The following SEMA5B variants were observed in gnomAD, a reference collection of about 807,000 sequenced individuals.
SEMA5B encodes semaphorin-5B.
A neutral mutation model predicts 135.0 loss-of-function variants in SEMA5B; 66 were observed. The observed-to-expected ratio is 0.49, with a 90% CI of 0.40 to 0.60. SEMA5B has a LOEUF of 0.60. SEMA5B is among the 20% of genes least tolerant of loss of function. The pLI is 0.00. For missense variants in SEMA5B, 1,501 were observed against 1,566.3 expected, an observed-to-expected ratio of 0.96 and a Z score of 0.70; for synonymous variants, 690 against 639.5, an observed-to-expected ratio of 1.08 and a Z score of -1.19.
At chr3:123,015,483 C>A (rs1412754007) in intron 1 of SEMA5B, among the ~76,000 whole-genome samples, 2 of 152,122 alleles carry the variant, frequency 1.3e-5, no homozygotes, top group African/African-American at 4.8e-5. Context: ...GAGACCTCAA[C>A]TGTAGAGAAG....
intron 1 of SEMA5B, among the ~76,000 whole-genome samples, chr3:123,025,134 T>C (rs1456138157): frequency 6.6e-6 from 1 of 152,220 alleles, no homozygotes; most frequent in African/African-American, 2.4e-5. Flanking sequence ...GGGCTGGACC[T>C]CTCGGCTTCT....
At chr3:123,011,138 A>T (rs910591562) in intron 1 of SEMA5B, among the ~76,000 whole-genome samples, 3 of 152,168 alleles carry the variant, frequency 2.0e-5, no homozygotes, top group African/African-American at 7.2e-5. Flanking sequence ...CAAAGCTGCC[A>T]TCTCACGACC....
intron 1 of SEMA5B, among the ~76,000 whole-genome samples, chr3:122,983,161 A>G (rs1056921834): frequency 6.6e-6 from 1 of 152,084 alleles, no homozygotes; most frequent in Non-Finnish European, 1.5e-5. Context: ...GTGGCCAGTC[A>G]ATTTTGAGGG....
At chr3:122,916,622 C>T (rs1045761431) in intron 12 of SEMA5B, among the ~76,000 whole-genome samples, 7 of 152,204 alleles carry the variant, frequency 4.6e-5, no homozygotes, top group African/African-American at 9.7e-5. Flanking sequence ...TTTCTGACCA[C>T]GCTTTTCCCC....
intron 1 of SEMA5B, among the ~76,000 whole-genome samples, chr3:122,996,769 C>G (rs966241794): frequency 4.1e-4 from 62 of 152,328 alleles, no homozygotes; most frequent in African/African-American, 1.4e-3. Flanking sequence ...CCAAGACTGC[C>G]CTGTCCTTGC....
At chr3:122,942,220 C>A (rs1305382854) in intron 4 of SEMA5B, among the ~76,000 whole-genome samples, 1 of 152,222 alleles carries the variant, frequency 6.6e-6, no homozygotes, top group Non-Finnish European at 1.5e-5. Flanking sequence ...GTAACCCAGA[C>A]TTTACAGATG....
In SEMA5B at chr3:122,926,380, G is replaced by T; in HGVS notation, c.1136+12C>A. ...CATCACAGGCAAGGGGCTGGCAGAG[G>T]GCAGGACTCACACGTTGGTTGTGAA... On this transcript the variant is annotated intron_variant, in intron 9 of 22. Transcript: ENST00000357599. The T allele has an allele frequency of 6.2e-7, 1 of 1,604,240 alleles. No homozygotes were observed.
intron 1 of SEMA5B, among the ~76,000 whole-genome samples, chr3:123,004,837 A>G (rs1263300818): frequency 6.6e-6 from 1 of 152,162 alleles, no homozygotes; most frequent in Non-Finnish European, 1.5e-5. Context: ...CCCCACCTGG[A>G]CCTATCAAAT....
chr3:122,950,175 C>CTT (rs1939980715), intron 2 of SEMA5B, among the ~76,000 whole-genome samples: 1 of 152,218 alleles, frequency 6.6e-6, no homozygotes, highest in South Asian at 2.1e-4. Context: ...ATGAATGACA[C>CTT]TTATCCTCAC....
chr3:122,912,887 C>T lies in SEMA5B; in HGVS notation c.2681G>A (p.Gly894Asp). 1 of 1,608,340 alleles carries T rather than the reference C, an allele frequency of 6.2e-7. No homozygotes were observed. Residue 894 changes from glycine (G) to aspartate (D), a missense_variant, in exon 18 of 23, where the codon GGC becomes GAC. By Grantham distance (94) the Gly-to-Asp change is moderately conservative. Around this residue, in one of 2 missense-constraint regions of SEMA5B, gnomAD observed 927 missense variants for 881.6 expected, o/e 1.05. Coordinates refer to ENST00000357599, the MANE Select transcript of SEMA5B (RefSeq NM_001031702.4). Reference protein sequence around the residue: ...EPRNGGLPCVGDAAEYQDCNP... With the variant: ...EPRNGGLPCVDDAAEYQDCNP... The stretch of plus-strand genomic sequence containing the variant: ...GCAGTCCTGGTACTCGGCAGCATCG[C>T]CCACGCAGGGCAGGCCCCCGTTGCG...
intron 2 of SEMA5B, among the ~76,000 whole-genome samples, chr3:122,957,085 C>T (rs187571948): frequency 4.6e-5 from 7 of 152,230 alleles, no homozygotes; most frequent in Admixed American, 1.3e-4. Flanking sequence ...AAAGCAGGAC[C>T]GAGGCCAAAT....
intron 1 of SEMA5B, among the ~76,000 whole-genome samples, chr3:123,014,679 A>G (rs1414429306): frequency 1.3e-5 from 2 of 152,242 alleles, no homozygotes; most frequent in African/African-American, 4.8e-5. Context: ...TGAGAGCAAT[A>G]GCACATACGT....
At chr3:122,956,853 T>C (rs1429711429) in intron 2 of SEMA5B, among the ~76,000 whole-genome samples, 1 of 151,974 alleles carries the variant, frequency 6.6e-6, no homozygotes, top group Non-Finnish European at 1.5e-5. Flanking sequence ...GGAAAAAACG[T>C]CCTGGGAAAG....
chr3:122,919,040 A>G (rs1206990568), intron 12 of SEMA5B, among the ~76,000 whole-genome samples: 1 of 130,208 alleles, frequency 7.7e-6, no homozygotes, highest in Non-Finnish European at 1.6e-5. Flanking sequence ...TCAAGCAGCC[A>G]TTACAAAAAG....
At chr3:122,926,733 C>A in intron 8 of SEMA5B, 56 bp from the exon 9 acceptor site, 1 of 1,581,718 alleles carries the variant, frequency 6.3e-7, no homozygotes, top group Non-Finnish European at 8.6e-7. Context: ...AAGAAGATGG[C>A]AGAGTCGGGA....
chr3:122,988,889 T>C (rs2107709716), intron 1 of SEMA5B, among the ~76,000 whole-genome samples: 1 of 152,246 alleles, frequency 6.6e-6, no homozygotes, highest in South Asian at 2.1e-4. Context: ...TCGGTAAAAG[T>C]TGGATAAAGA....
At chr3:122,949,821 A>G (rs879317692) in intron 2 of SEMA5B, among the ~76,000 whole-genome samples, 14 of 152,274 alleles carry the variant, frequency 9.2e-5, no homozygotes, top group Admixed American at 7.2e-4. Context: ...AACTGAACTC[A>G]GCACAAGAAG....
chr3:122,917,231 G>T (rs1272634123), intron 12 of SEMA5B, among the ~76,000 whole-genome samples: 1 of 152,226 alleles, frequency 6.6e-6, no homozygotes, highest in African/African-American at 2.4e-5. Flanking sequence ...GCTGAAGAGG[G>T]TCTGGAGAGA....
At chr3:122,967,110 C>A (rs1940887427) in intron 1 of SEMA5B, among the ~76,000 whole-genome samples, 1 of 151,598 alleles carries the variant, frequency 6.6e-6, no homozygotes, top group Admixed American at 6.6e-5. Flanking sequence ...ATCTTGAACC[C>A]CCGACCTCAG....
Sources: gnomAD v4.1 joint callset for allele counts (sites outside exome capture counted in the v4.1 genomes callset) on GRCh38, gnomAD v4.1.1 for gene constraint, gnomAD v4.1.1 regional missense constraint, MANE v1.5 for transcripts, NCBI Gene and HGNC (gene_info 2026-07-23, HGNC 2026-07-21) for gene names.